RBM26: variants seen among roughly 807,000 people sequenced by gnomAD.
RBM26 encodes the protein RNA binding motif protein 26, also known as RNA-binding protein 26.
A neutral mutation model predicts 123.6 loss-of-function variants in RBM26; 30 were observed. That is an observed-to-expected ratio of 0.24 (90% CI 0.18 to 0.33). The LOEUF (loss-of-function observed/expected upper bound fraction) is 0.33. Ranked by LOEUF, RBM26 falls within the 10% of genes least tolerant of loss-of-function variation. The probability of loss-of-function intolerance (pLI) is 1.00; values close to 1 mark genes in which losing one functional copy is unlikely to be tolerated. For synonymous variants in RBM26, 400 were observed against 404.4 expected (o/e 0.99, Z 0.13); for missense variants, 947 against 1,203.6 (o/e 0.79, Z 3.15).
intron 20 of RBM26, among the ~76,000 whole-genome samples, chr13:79,331,176 G>A (rs896773481): frequency 3.3e-5 from 5 of 152,022 alleles, no homozygotes; most frequent in Non-Finnish European, 5.9e-5. Flanking sequence ...ACACCTGGCT[G>A]ATTTTTTGGT....
Position 79,344,200 on chromosome 13 carries a change from C to T in RBM26, c.2259+48G>A, listed in dbSNP as rs2071906396. 2.5e-6 allele frequency: 3 copies of T among 1,210,154 alleles called. No homozygotes were observed. The East Asian group carries it at 7.0e-5, about 28-fold the overall frequency. The allele number at this position is 1,210,154 out of a possible 1,614,324, so 75.0% of individuals were successfully genotyped here. A position where few individuals can be genotyped will look rare whatever the true frequency, so the allele number is the denominator to read the frequency against. On this transcript the variant is annotated intron_variant, in intron 16 of 21. Transcript: ENST00000438737. ...AGGTAGCATAAGATTAAGTTCACTC[C>T]AAATTATAACATTTGCAATTTGGCC...
At chr13:79,390,098 A>G (rs911555066) in intron 1 of RBM26, among the ~76,000 whole-genome samples, 3 of 152,188 alleles carry the variant, frequency 2.0e-5, no homozygotes, top group Non-Finnish European at 2.9e-5. Flanking sequence ...TCAGAAAGGA[A>G]TAAGAAGACT....
At chr13:79,326,007 C>T (rs1288085234) in intron 20 of RBM26, among the ~76,000 whole-genome samples, 2 of 152,128 alleles carry the variant, frequency 1.3e-5, no homozygotes, top group African/African-American at 2.4e-5. Flanking sequence ...GCCAGAGTTT[C>T]GTAGCCTAAG....
chr13:79,338,351 A>AT (rs145393268), intron 18 of RBM26, among the ~76,000 whole-genome samples: 44,615 of 151,584 alleles, frequency 0.29, 8,054 homozygotes, highest in Non-Finnish European at 0.41. Context: ...CCCTCAAGAT[A>AT]TTTTTTTTTC....
At chr13:79,311,856 T>G (rs1166365444) in exon 5 of RBM26, 1 of 151,924 alleles carries the variant, frequency 6.6e-6, no homozygotes, top group Admixed American at 6.6e-5. Context: ...ATTTTAAAAA[T>G]TTTCAAAATA....
At chr13:79,314,992 T>C, downstream of RBM26, 2 of 1,300,276 alleles carry the variant, frequency 1.5e-6, no homozygotes, top group Non-Finnish European at 2.0e-6. Flanking sequence ...GATCTCTCTC[T>C]GCTGGAAAAA....
chr13:79,402,392 A>G (rs1485710225), intron 1 of RBM26, among the ~76,000 whole-genome samples: 1 of 152,016 alleles, frequency 6.6e-6, no homozygotes, highest in Non-Finnish European at 1.5e-5. Flanking sequence ...AACAGTAAAT[A>G]CAGATATGCA....
intron 3 of RBM26, among the ~76,000 whole-genome samples, chr13:79,372,657 C>T (rs1463749660): frequency 4.8e-5 from 7 of 146,862 alleles, no homozygotes; most frequent in Admixed American, 4.1e-4. Context: ...TAGAACTCAC[C>T]AAGTCATAAA....
intron 8 of RBM26, 39 bp downstream of exon 8, chr13:79,366,014 ACT>A (rs1231062920): frequency 6.5e-7 from 1 of 1,534,646 alleles, no homozygotes; most frequent in Non-Finnish European, 8.8e-7. Flanking sequence ...TTCATCTAAA[ACT>A]GTGTTACATT....
chr13:79,352,597 CTGTTTAGTAA>C (rs1207137259), intron 14 of RBM26, among the ~76,000 whole-genome samples: 1 of 151,992 alleles, frequency 6.6e-6, no homozygotes, highest in African/African-American at 2.4e-5. Context: ...ACCTCTATTA[CTGTTTAGTAA>C]TAAGTGAAAA....
chr13:79,365,799 A>G (rs1214560782), intron 8 of RBM26, 81 bp from the exon 9 acceptor site: 9 of 1,236,270 alleles, frequency 7.3e-6, no homozygotes, highest in Middle Eastern at 2.1e-4. Context: ...GAGAAAAAGT[A>G]AACAATATAA....
Position 79,367,430 on chromosome 13 carries a change from AAAG to A in RBM26, c.896-561_896-559del, listed in dbSNP as rs1474184131. Reference sequence around the variant, plus strand: ...TCAAAAAAAAAAAAAAAAAAAAAAAAAAGAAGAAGAAGAGGCAAAAGAGAGAAA... The same window carrying A: ...TCAAAAAAAAAAAAAAAAAAAAAAAAAAGAAGAAGAGGCAAAAGAGAGAAA... On this transcript the variant is annotated intron_variant, in intron 6 of 21. Transcript: ENST00000438737. Among the ~76,000 whole-genome samples the A allele has an allele frequency of 3.4e-4, 16 of 47,190 alleles. 1 individual carries two copies. The highest frequency in any genetic ancestry group is 1.8e-3 in the East Asian group (1 of 550). The allele number at this position is 47,190 out of a possible 152,430, so 31.0% of individuals were successfully genotyped here.
At chr13:79,327,749 G>C (rs977936257) in intron 20 of RBM26, among the ~76,000 whole-genome samples, 1 of 152,064 alleles carries the variant, frequency 6.6e-6, no homozygotes, top group African/African-American at 2.4e-5. Flanking sequence ...TATAAGCAAT[G>C]TATGTTGTCT....
At position 79,366,683 on chromosome 13, in the gene RBM26, G is replaced by C; in HGVS notation, c.1085C>G (p.Pro362Arg). ...CAATGGACCTGGCGGTGGTACTGGG[G>C]GCCTGAGATTCACAGGTGGGGGTGT... ...ILTPPPVNLR[P>R]PVPPPGPLPP... Residue 362 changes from proline (P) to arginine (R), a missense_variant, in exon 7 of 22, where the codon CCC (proline) becomes CGC (arginine). Physicochemically the swap from Pro to Arg is moderately radical, Grantham distance 103. This residue lies in a region of RBM26 where 493 missense variants were observed against 563.1 expected (regional missense o/e 0.88). Coordinates refer to ENST00000438737, the MANE Select transcript of RBM26 (RefSeq NM_001366735.2). 6.2e-7 allele frequency: 1 copy of C among 1,602,716 alleles called. No individual in the cohort carries two copies. Among genetic ancestry groups the C allele is most frequent in the Admixed American group, 1.7e-5 (1 of 59,320 alleles).
intron 20 of RBM26, among the ~76,000 whole-genome samples, chr13:79,331,890 A>C (rs1343464469): frequency 6.6e-6 from 1 of 152,196 alleles, no homozygotes; most frequent in Admixed American, 6.5e-5. Flanking sequence ...ATAGAAAATA[A>C]GGTAATAGGA....
At chr13:79,345,207 A>G (rs1282815906) in intron 14 of RBM26, among the ~76,000 whole-genome samples, 1 of 151,958 alleles carries the variant, frequency 6.6e-6, no homozygotes, top group Non-Finnish European at 1.5e-5. Context: ...ATCATTTGCA[A>G]CTTCCAGTAC....
intron 3 of RBM26, among the ~76,000 whole-genome samples, chr13:79,375,081 T>TATATATATATTTATATATC (rs1555332794): frequency 3.8e-5 from 4 of 104,368 alleles, no homozygotes; most frequent in South Asian, 6.6e-4. Flanking sequence ...TTATATGATA[T>TATATATATATTTATATATC]ATATAAATAT....
At chr13:79,388,458 T>C (rs2077670282) in intron 1 of RBM26, among the ~76,000 whole-genome samples, 1 of 152,216 alleles carries the variant, frequency 6.6e-6, no homozygotes, top group African/African-American at 2.4e-5. Context: ...CCACATCTCA[T>C]AATATAGCTC....
intron 1 of RBM26, among the ~76,000 whole-genome samples, chr13:79,403,271 C>T (rs796842773): frequency 2.4e-4 from 36 of 152,244 alleles, no homozygotes; most frequent in African/African-American, 8.4e-4. Context: ...CAGCTACACA[C>T]ATTAGAAAAG....
Sources: allele counts gnomAD v4.1 joint callset (sites outside exome capture counted in the v4.1 genomes callset), GRCh38; gene constraint gnomAD v4.1.1; regional missense constraint gnomAD v4.1.1; transcripts MANE v1.5; gene names NCBI Gene and HGNC (gene_info 2026-07-23, HGNC 2026-07-21).